EPHA3: variants seen among roughly 807,000 people sequenced by gnomAD.
EPHA3 encodes ephrin type-A receptor 3.
Under a neutral mutation model 107.1 loss-of-function variants are expected in EPHA3, and 42 were observed. The observed-to-expected ratio is 0.39, with a 90% CI of 0.31 to 0.51. EPHA3 has a LOEUF of 0.51. EPHA3 is among the 20% of genes least tolerant of loss of function. The pLI, the probability that EPHA3 is intolerant of heterozygous loss-of-function variation, is 0.78. For missense variants in EPHA3, 1,183 were observed against 1,211.2 expected, an observed-to-expected ratio of 0.98 and a Z score of 0.35; for synonymous variants, 461 against 424.8, an observed-to-expected ratio of 1.09 and a Z score of -1.05.
chr3:89,195,745 TAGATAACCAC>T (rs1705823553), intron 2 of EPHA3, among the ~76,000 whole-genome samples: 2 of 152,256 alleles, frequency 1.3e-5, no homozygotes, highest in South Asian at 4.1e-4. Context: ...ACCTGTCCCT[TAGATAACCAC>T]AGTAACTCTC....
chr3:89,431,972 C>A (rs1270350660), intron 13 of EPHA3, among the ~76,000 whole-genome samples: 5 of 152,174 alleles, frequency 3.3e-5, no homozygotes, highest in Admixed American at 2.0e-4. Context: ...CAATACACTT[C>A]TTGAATATAT....
intron 3 of EPHA3, among the ~76,000 whole-genome samples, chr3:89,296,087 G>A (rs1453904518): frequency 6.6e-6 from 1 of 152,182 alleles, no homozygotes; most frequent in African/African-American, 2.4e-5. Context: ...AACATAGGCA[G>A]TTAGTTCTTC....
rs542679185 is a variant in EPHA3, at chr3:89,254,238, A to G, written c.814+43718A>G. Among the ~76,000 whole-genome samples the G allele has an allele frequency of 1.8e-3, 275 of 152,314 alleles. 3 individuals are homozygous for G. Among genetic ancestry groups the G allele is most frequent in the Non-Finnish European group, 3.4e-3 (228 of 68,018 alleles). On this transcript the variant is annotated intron_variant, in intron 3 of 16. Coordinates refer to ENST00000336596, the MANE Select transcript of EPHA3 (RefSeq NM_005233.6). ...ACATAGCTTGGAATTTGCATTGTTT[A>G]GTTAAAAAATTTATGTTGGCAGACC...
chr3:89,191,262 A>AATT (rs1705709412), intron 2 of EPHA3, among the ~76,000 whole-genome samples: 1 of 151,582 alleles, frequency 6.6e-6, no homozygotes, highest in Non-Finnish European at 1.5e-5. Context: ...TCCTAATTGT[A>AATT]CCCAACTAGT....
At chr3:89,134,224 T>TA (rs200749972) in intron 2 of EPHA3, among the ~76,000 whole-genome samples, 6,990 of 149,736 alleles carry the variant, frequency 0.047, 232 homozygotes, top group Non-Finnish European at 0.071. Context: ...TTTTTTTTTT[T>TA]AAAAAAATTA....
At chr3:89,366,545 T>G (rs1708187435) in intron 5 of EPHA3, among the ~76,000 whole-genome samples, 1 of 150,790 alleles carries the variant, frequency 6.6e-6, no homozygotes, top group Admixed American at 6.7e-5. Context: ...ATATAATTTG[T>G]ATATTTGAAA....
intron 2 of EPHA3, among the ~76,000 whole-genome samples, chr3:89,170,606 T>A (rs1442260746): frequency 1.3e-5 from 2 of 152,194 alleles, no homozygotes; most frequent in African/African-American, 4.8e-5. Flanking sequence ...TTGCGACTAC[T>A]CTTGCTATTG....
intron 2 of EPHA3, among the ~76,000 whole-genome samples, chr3:89,131,212 G>A (rs1704201765): frequency 6.6e-6 from 1 of 152,208 alleles, no homozygotes; most frequent in Middle Eastern, 3.4e-3. Flanking sequence ...GGTGACTTTA[G>A]CAAAGCAGAC....
chr3:89,401,625 T>C (rs957149847), intron 7 of EPHA3, among the ~76,000 whole-genome samples: 15 of 152,196 alleles, frequency 9.9e-5, no homozygotes, highest in Admixed American at 9.2e-4. Context: ...TTTCTTTTTT[T>C]GTGACAAAAT....
intron 11 of EPHA3, among the ~76,000 whole-genome samples, chr3:89,424,558 C>A (rs1181223148): frequency 6.6e-6 from 1 of 150,982 alleles, no homozygotes; most frequent in Non-Finnish European, 1.5e-5. Flanking sequence ...TAAATCAGCT[C>A]CTTTATTTGC....
In EPHA3 at chr3:89,171,148, A is replaced by T. The variant is rs1413256719; in HGVS notation, c.154-38712A>T. ...CAACGTTGTTTCAAAAACTATATGAAGAAAGAAGCGTTTTACCCACTAAAA... is the reference window on the plus strand; with the variant it reads ...CAACGTTGTTTCAAAAACTATATGATGAAAGAAGCGTTTTACCCACTAAAA... On this transcript the variant is annotated intron_variant, in intron 2 of 16. Transcript: ENST00000336596. Among the ~76,000 whole-genome samples, 6 of 152,180 alleles carry T rather than the reference A, an allele frequency of 3.9e-5. No individual in the cohort carries two copies. The East Asian group carries it at 1.2e-3, about 29-fold the overall frequency.
intron 13 of EPHA3, among the ~76,000 whole-genome samples, chr3:89,435,919 C>T (rs1229593636): frequency 6.6e-6 from 1 of 150,448 alleles, no homozygotes; most frequent in Non-Finnish European, 1.5e-5. Context: ...TGCCATTGCA[C>T]TCTAGCCTGG....
At chr3:89,370,363 T>G (rs530781061) in intron 5 of EPHA3, among the ~76,000 whole-genome samples, 1 of 152,042 alleles carries the variant, frequency 6.6e-6, no homozygotes, top group African/African-American at 2.4e-5. Context: ...TTTAGGGACA[T>G]GGATGAAATT....
chr3:89,482,084 CA>C lies in EPHA3; in HGVS notation c.*2583del, dbSNP rs1710629522. On this transcript the variant is annotated 3_prime_UTR_variant, in exon 17 of 17. Coordinates refer to ENST00000336596, the MANE Select transcript of EPHA3 (RefSeq NM_005233.6). ...AATGTAAAATGATTTGTAGTGGAAA[CA>C]TTTATATTTTTATAATAAACATAAT... The C allele has an allele frequency of 9.4e-6, 2 of 211,750 alleles. No homozygotes were observed. Among genetic ancestry groups the C allele is most frequent in the South Asian group, 1.9e-4 (1 of 5,340 alleles). 13.1% of individuals were successfully genotyped at this position (211,750 alleles called of 1,614,324 possible). A position where few individuals can be genotyped will look rare whatever the true frequency, so the allele number is the denominator to read the frequency against.
intron 3 of EPHA3, among the ~76,000 whole-genome samples, chr3:89,286,184 G>A (rs1706078937): frequency 6.8e-6 from 1 of 146,068 alleles, no homozygotes; most frequent in African/African-American, 2.5e-5. Flanking sequence ...CAGTTCTATG[G>A]GACCCTTGGG....
intron 3 of EPHA3, among the ~76,000 whole-genome samples, chr3:89,219,019 A>G (rs917106002): frequency 3.3e-5 from 5 of 152,182 alleles, no homozygotes; most frequent in Non-Finnish European, 7.3e-5. Flanking sequence ...ATTCATAAGG[A>G]AAAACATGGT....
chr3:89,381,941 C>T (rs1338714925), intron 5 of EPHA3, among the ~76,000 whole-genome samples: 2 of 151,970 alleles, frequency 1.3e-5, no homozygotes, highest in Non-Finnish European at 2.9e-5. Flanking sequence ...ATAAGCTGTT[C>T]AGTTTGTAGT....
chr3:89,466,754 C>G (rs1361674193), intron 15 of EPHA3, among the ~76,000 whole-genome samples: 1 of 136,900 alleles, frequency 7.3e-6, no homozygotes, highest in Non-Finnish European at 1.6e-5. Context: ...GAGATGAACC[C>G]GGTACCTCAG....
At chr3:89,204,503 CACA>C in intron 2 of EPHA3, among the ~76,000 whole-genome samples, 1 of 101,862 alleles carries the variant, frequency 9.8e-6, no homozygotes, top group African/African-American at 2.8e-5. Context: ...CACACACACA[CACA>C]CCCCAAACAA....
Sources: allele counts gnomAD v4.1 joint callset (sites outside exome capture counted in the v4.1 genomes callset), GRCh38; gene constraint gnomAD v4.1.1; transcripts MANE v1.5; gene names NCBI Gene and HGNC (gene_info 2026-07-23, HGNC 2026-07-21).